The following SNX8 variants were observed in gnomAD, a reference collection of about 807,000 sequenced individuals.
SNX8 encodes sorting nexin 8, also known as sorting nexin-8.
A neutral mutation model predicts 51.6 loss-of-function variants in SNX8; 25 were observed. The ratio of observed to expected loss-of-function variants is 0.48; its 90% CI spans 0.35 to 0.68. The LOEUF (loss-of-function observed/expected upper bound fraction) is 0.68. Ranked by LOEUF, SNX8 falls within the 30% of genes least tolerant of loss-of-function variation. The pLI, the probability that SNX8 is intolerant of heterozygous loss-of-function variation, is 0.00. For synonymous variants in SNX8, 324 were observed against 277.0 expected, an observed-to-expected ratio of 1.17 and a Z score of -1.68; for missense variants, 695 against 624.0, an observed-to-expected ratio of 1.11 and a Z score of -1.21.
chr7:2,256,064 A>G (rs1408491505), intron 10 of SNX8, among the ~76,000 whole-genome samples: 2 of 152,202 alleles, frequency 1.3e-5, no homozygotes, highest in Non-Finnish European at 2.9e-5. Context: ...TGTTGGTCCC[A>G]TTCCTTCACT....
At chr7:2,264,031 G>A (rs1795402835) in intron 6 of SNX8, among the ~76,000 whole-genome samples, 1 of 152,012 alleles carries the variant, frequency 6.6e-6, no homozygotes, top group Admixed American at 6.6e-5. Context: ...TTTTTTTAAA[G>A]TCTCATCCTG....
chr7:2,271,790 C>T (rs987636661), intron 4 of SNX8, 60 bp downstream of exon 4: 24 of 1,540,324 alleles, frequency 1.6e-5, no homozygotes, highest in East Asian at 2.4e-5. Flanking sequence ...GAGGAAAAGG[C>T]GGGTCCGGAG....
intron 1 of SNX8, among the ~76,000 whole-genome samples, chr7:2,319,814 C>CAAA (rs35408698): frequency 1.5e-4 from 12 of 78,468 alleles, no homozygotes; most frequent in African/African-American, 5.7e-4. Context: ...GACTCCGTCT[C>CAAA]AAAAAAAAAA....
At chr7:2,296,733 C>A (rs926819572) in intron 1 of SNX8, among the ~76,000 whole-genome samples, 1 of 151,732 alleles carries the variant, frequency 6.6e-6, no homozygotes, top group Non-Finnish European at 1.5e-5. Flanking sequence ...GAGTTCGAGA[C>A]CAGCCTAGCC....
At chr7:2,275,282 G>C in intron 2 of SNX8, 53 bp from the exon 3 acceptor site, 1 of 1,222,848 alleles carries the variant, frequency 8.2e-7, no homozygotes, top group East Asian at 2.3e-5. Context: ...ATGCTGTCGC[G>C]TCACTTCCCC....
rs375189373 is a variant in SNX8 at position 2,269,523 on chromosome 7, TAAAAAAAAAA to T, written c.621+26_621+35del. The T allele has an allele frequency of 1.2e-4, 103 of 894,236 alleles. 2 individuals carry two copies. The highest frequency in any genetic ancestry group is 1.5e-4 in the Non-Finnish European group (98 of 656,624). The allele number at this position is 894,236 out of a possible 1,614,324, so 55.4% of individuals were successfully genotyped here. A position where few individuals can be genotyped will look rare whatever the true frequency, so the allele number is the denominator to read the frequency against. On this transcript the variant is annotated intron_variant, in intron 5 of 10. Transcript: ENST00000222990. ...AAGAATGATCAATAAAAAAATAAAT[TAAAAAAAAAA>T]AAAAAGAAAAAAAAAAGAAAAATAC...
chr7:2,281,559 G>T (rs1298255151), intron 1 of SNX8, among the ~76,000 whole-genome samples: 1 of 152,154 alleles, frequency 6.6e-6, no homozygotes, highest in Non-Finnish European at 1.5e-5. Flanking sequence ...GCTCACTAAT[G>T]GAACTTCAAT....
chr7:2,296,807 G>A (rs1413048691), intron 1 of SNX8, among the ~76,000 whole-genome samples: 5 of 151,746 alleles, frequency 3.3e-5, no homozygotes, highest in African/African-American at 9.7e-5. Context: ...GCGGACACCT[G>A]TAATCCCAGC....
intron 1 of SNX8, among the ~76,000 whole-genome samples, chr7:2,298,036 AT>A (rs937165367): frequency 1.3e-5 from 2 of 152,010 alleles, no homozygotes; most frequent in Non-Finnish European, 2.9e-5. Context: ...AAATAAAAAT[AT>A]TTTTTTAAAA....
intron 1 of SNX8, among the ~76,000 whole-genome samples, chr7:2,313,318 G>A (rs1036013444): frequency 2.0e-5 from 3 of 151,350 alleles, no homozygotes; most frequent in Admixed American, 6.6e-5. Flanking sequence ...CTGAGGTCAG[G>A]AGTTCGAGAC....
intron 1 of SNX8, among the ~76,000 whole-genome samples, chr7:2,343,503 G>A (rs930748579): frequency 8.6e-5 from 13 of 151,696 alleles, no homozygotes; most frequent in South Asian, 6.3e-4. Flanking sequence ...GTGAAACCCC[G>A]TCTCTACTAA....
intron 1 of SNX8, among the ~76,000 whole-genome samples, chr7:2,321,636 G>A (rs1173967778): frequency 2.7e-5 from 4 of 149,034 alleles, no homozygotes; most frequent in African/African-American, 9.9e-5. Context: ...CTGTGGTCTC[G>A]ATCTCCTTAC....
At chr7:2,274,597 G>A (rs1039905653) in intron 3 of SNX8, among the ~76,000 whole-genome samples, 1 of 152,242 alleles carries the variant, frequency 6.6e-6, no homozygotes, top group African/African-American at 2.4e-5. Context: ...AGGTGAAGGT[G>A]AGGCAGCCGT....
At chr7:2,294,382 A>G (rs1385206608) in intron 1 of SNX8, among the ~76,000 whole-genome samples, 1 of 152,222 alleles carries the variant, frequency 6.6e-6, no homozygotes, top group Non-Finnish European at 1.5e-5. Flanking sequence ...CAGTACTGGC[A>G]AGGACTTGGA....
intron 10 of SNX8, 51 bp downstream of exon 10, chr7:2,256,823 G>A (rs1179881439): frequency 6.4e-7 from 1 of 1,570,186 alleles, no homozygotes. Context: ...AAGGGCGGAG[G>A]GACAAAGAAA....
chr7:2,344,736 C>T (rs1245964442), intron 1 of SNX8, among the ~76,000 whole-genome samples: 2 of 151,862 alleles, frequency 1.3e-5, no homozygotes, highest in Non-Finnish European at 2.9e-5. Context: ...GCCTGGCCAA[C>T]AGGATGAAAC....
intron 7 of SNX8, among the ~76,000 whole-genome samples, chr7:2,261,085 T>A (rs1040754934): frequency 6.6e-6 from 1 of 152,210 alleles, no homozygotes; most frequent in African/African-American, 2.4e-5. Flanking sequence ...GTGACAAGAA[T>A]GGCTTTTATG....
upstream of SNX8, among the ~76,000 whole-genome samples, chr7:2,317,594 G>A (rs935554660): frequency 1.3e-5 from 2 of 151,842 alleles, no homozygotes; most frequent in Admixed American, 6.6e-5. Flanking sequence ...ACCTTCTAAC[G>A]CTGATGTCAC....
chr7:2,267,073 CG>C (rs1795481576), intron 5 of SNX8, among the ~76,000 whole-genome samples: 1 of 152,020 alleles, frequency 6.6e-6, no homozygotes. Context: ...CTTAGAGGCT[CG>C]GGGCCTTGGC....
Sources: allele counts gnomAD v4.1 joint callset (sites outside exome capture counted in the v4.1 genomes callset), GRCh38; gene constraint gnomAD v4.1.1; transcripts MANE v1.5; gene names NCBI Gene and HGNC (gene_info 2026-07-23, HGNC 2026-07-21).